Variants in TMEM163 observed in about 807,000 individuals in gnomAD.
TMEM163 encodes the protein transmembrane protein 163.
Under a neutral mutation model 29.3 loss-of-function variants are expected in TMEM163, and 17 were observed. The observed-to-expected ratio is 0.58, with a 90% CI of 0.40 to 0.87. TMEM163 has a LOEUF of 0.87. Ranked by LOEUF, TMEM163 falls within the 40% of genes least tolerant of loss-of-function variation. The pLI is 0.00. For missense variants in TMEM163, 303 were observed against 381.5 expected (o/e 0.79, Z 1.71); for synonymous variants, 157 against 160.6 (o/e 0.98, Z 0.17).
At chr2:134,570,744 C>T (rs140893733) in intron 2 of TMEM163, among the ~76,000 whole-genome samples, 13 of 152,098 alleles carry the variant, frequency 8.5e-5, no homozygotes, top group East Asian at 1.9e-4. Flanking sequence ...ATAAATGGTG[C>T]GACAGAAAAG....
chr2:134,679,840 T>A (rs1684191907), intron 2 of TMEM163, among the ~76,000 whole-genome samples: 2 of 152,114 alleles, frequency 1.3e-5, no homozygotes, highest in Admixed American at 1.3e-4. Context: ...GGGGAAGTGA[T>A]GAGCTCACCC....
At chr2:134,617,264 C>T (rs1682626892) in intron 2 of TMEM163, among the ~76,000 whole-genome samples, 1 of 152,112 alleles carries the variant, frequency 6.6e-6, no homozygotes, top group Non-Finnish European at 1.5e-5. Flanking sequence ...CTAAAATGCA[C>T]ATTATAATCC....
At chr2:134,653,880 G>A (rs1394646275) in intron 2 of TMEM163, among the ~76,000 whole-genome samples, 2 of 126,522 alleles carry the variant, frequency 1.6e-5, no homozygotes, top group Non-Finnish European at 3.2e-5. Context: ...TTAATCCTGA[G>A]TTCTAGTTTG....
At chr2:134,638,795 C>A (rs1683164522) in intron 2 of TMEM163, among the ~76,000 whole-genome samples, 1 of 152,202 alleles carries the variant, frequency 6.6e-6, no homozygotes, top group Admixed American at 6.5e-5. Context: ...GGTGCCAAAA[C>A]AACACCCTCA....
intron 2 of TMEM163, among the ~76,000 whole-genome samples, chr2:134,575,714 A>G (rs1249283942): frequency 2.0e-5 from 3 of 152,202 alleles, no homozygotes; most frequent in Admixed American, 6.5e-5. Flanking sequence ...ATTCCTAAAC[A>G]GGATCTGGTT....
rs1237618980 is a variant in TMEM163, at chr2:134,621,495, A to G, written c.323-69404T>C. 2.0e-5 allele frequency among the ~76,000 whole-genome samples: 3 copies of G among 152,230 alleles called. No individual in the cohort carries two copies. In the East Asian group the frequency reaches 5.8e-4, roughly 29 times the overall value. Reference sequence around the variant, plus strand: ...CTAAGTATTTATCCAAGAGAAATGAAACTATACATCCATGCAAAGCCTTGT... The same window carrying G: ...CTAAGTATTTATCCAAGAGAAATGAGACTATACATCCATGCAAAGCCTTGT... On this transcript the variant is annotated intron_variant, in intron 2 of 7. Transcript: ENST00000281924.
rs1454210472 is a variant in TMEM163 at position 134,606,997 on chromosome 2, T to A, written c.323-54906A>T. Among the ~76,000 whole-genome samples, 3 of 144,610 alleles carry A rather than the reference T, an allele frequency of 2.1e-5. No homozygotes were observed. The South Asian group carries it at 7.1e-4, about 34-fold the overall frequency. 94.9% of individuals were successfully genotyped at this position (144,610 alleles called of 152,430 possible). On this transcript the variant is annotated intron_variant, in intron 2 of 7. Transcript: ENST00000281924. ...AAAGGAGGACAGACCCCGAGAACTG[T>A]GCTGGTGAAAAGGACAGACCCCGAG...
At chr2:134,711,643 C>T (rs1235167382) in intron 2 of TMEM163, among the ~76,000 whole-genome samples, 1 of 152,208 alleles carries the variant, frequency 6.6e-6, no homozygotes, top group Non-Finnish European at 1.5e-5. Context: ...AAATGAACAA[C>T]ATTTTTAAGA....
chr2:134,559,932 T>C (rs574597710), intron 2 of TMEM163, among the ~76,000 whole-genome samples: 3 of 152,234 alleles, frequency 2.0e-5, no homozygotes, highest in Admixed American at 6.5e-5. Flanking sequence ...GGAAAGGCCA[T>C]GGTCCTTAGG....
intron 4 of TMEM163, among the ~76,000 whole-genome samples, chr2:134,511,153 C>CGGCG (rs1553475798): frequency 2.5e-5 from 3 of 122,436 alleles, no homozygotes; most frequent in African/African-American, 1.1e-4. Context: ...GAGAACAAGG[C>CGGCG]GGGGGGGGGT....
At chr2:134,681,966 A>T (rs1305897663) in intron 2 of TMEM163, among the ~76,000 whole-genome samples, 5 of 152,158 alleles carry the variant, frequency 3.3e-5, no homozygotes, top group African/African-American at 1.2e-4. Flanking sequence ...ACACAGCAGA[A>T]ATCTTACTAC....
chr2:134,641,149 A>T (rs1683212267), intron 2 of TMEM163, among the ~76,000 whole-genome samples: 1 of 152,250 alleles, frequency 6.6e-6, no homozygotes, highest in Non-Finnish European at 1.5e-5. Flanking sequence ...TCAAATAAAC[A>T]ATGGCACACA....
chr2:134,652,810 GT>G (rs1190021675), intron 2 of TMEM163, among the ~76,000 whole-genome samples: 2 of 121,448 alleles, frequency 1.6e-5, no homozygotes, highest in South Asian at 2.9e-4. Flanking sequence ...TAATCATGTG[GT>G]TTTTGTCTTT....
chr2:134,655,291 ATTCAT>A, intron 2 of TMEM163, among the ~76,000 whole-genome samples: 1 of 132,028 alleles, frequency 7.6e-6, no homozygotes, highest in Non-Finnish European at 1.6e-5. Context: ...ACTTCATTTC[ATTCAT>A]TTCATCTTCC....
intron 2 of TMEM163, among the ~76,000 whole-genome samples, chr2:134,576,076 C>G (rs1395685669): frequency 6.6e-6 from 1 of 152,110 alleles, no homozygotes; most frequent in African/African-American, 2.4e-5. Flanking sequence ...GGAGGGTTTT[C>G]AGGGTGGTGG....
At chr2:134,718,043 C>G (rs567288733) in intron 1 of TMEM163, among the ~76,000 whole-genome samples, 1 of 152,208 alleles carries the variant, frequency 6.6e-6, no homozygotes, top group East Asian at 1.9e-4. Context: ...ACGCGCCCTC[C>G]GGAAACATCA....
chr2:134,677,144 G>A (rs1359506927), intron 2 of TMEM163, among the ~76,000 whole-genome samples: 1 of 152,134 alleles, frequency 6.6e-6, no homozygotes, highest in Admixed American at 6.5e-5. Flanking sequence ...TGCTCTTCTC[G>A]CTTCCTTCCG....
Position 134,718,856 on chromosome 2 carries a change from G to T in TMEM163, c.80C>A (p.Pro27Gln). The change falls in exon 1 of 8, where the codon CCG (proline) becomes CAG (glutamine). Residue 27 changes from proline (P) to glutamine (Q), a missense_variant. Pro to Gln is a moderately conservative substitution (Grantham distance 76, BLOSUM62 -1). Around this residue, in one of 2 missense-constraint regions of TMEM163, gnomAD observed 100 missense variants for 87.2 expected, o/e 1.15. Coordinates refer to ENST00000281924, the MANE Select transcript of TMEM163 (RefSeq NM_030923.5). ...CGGGGCCGGGCCGGGGGCGGCAGCCGGTGGCGCGTGGCCCCGGGGCGGCGG... is the reference window on the plus strand; with the variant it reads ...CGGGGCCGGGCCGGGGGCGGCAGCCTGTGGCGCGTGGCCCCGGGGCGGCGG... The part of the protein sequence containing the change: ...VPPPPRGHAP[P>Q]AAAPGPAPLS... 1 of 1,114,386 alleles carries T rather than the reference G, an allele frequency of 9.0e-7. No homozygotes were observed. 69.0% of individuals were successfully genotyped at this position (1,114,386 alleles called of 1,614,324 possible). A position where few individuals can be genotyped will look rare whatever the true frequency, so the allele number is the denominator to read the frequency against.
chr2:134,638,957 G>A lies in TMEM163; in HGVS notation c.322+74243C>T, dbSNP rs570091775. On this transcript the variant is annotated intron_variant, in intron 2 of 7. Transcript: ENST00000281924. ...GACAGGAATGGGAACAGACCTTTAG[G>A]CACCACCCACAGAGGTGATGGCTGA... Among the ~76,000 whole-genome samples, 16 of 152,250 alleles carry A rather than the reference G, an allele frequency of 1.1e-4. No homozygotes were observed. In the East Asian group the frequency reaches 1.7e-3, roughly 17 times the overall value.
Sources: gnomAD v4.1 joint callset for allele counts (sites outside exome capture counted in the v4.1 genomes callset) on GRCh38, gnomAD v4.1.1 for gene constraint, gnomAD v4.1.1 regional missense constraint, MANE v1.5 for transcripts, NCBI Gene and HGNC (gene_info 2026-07-23, HGNC 2026-07-21) for gene names.